The following ZNF470 variants were observed in gnomAD, a reference collection of about 807,000 sequenced individuals.
The protein encoded by ZNF470 is chondrogenesis zinc finger protein 1.
ZNF470 carries 13 observed loss-of-function variants against 13.9 expected under a neutral mutation model. The observed-to-expected ratio is 0.94, with a 90% CI of 0.61 to 1.49. The LOEUF (loss-of-function observed/expected upper bound fraction) is 1.49, where lower values mean the gene tolerates loss of function less well. Ranked by LOEUF, ZNF470 falls within the 40% of genes most tolerant of loss-of-function variation. The pLI is 0.00. For synonymous variants in ZNF470, 293 were observed against 282.9 expected (o/e 1.04, Z -0.36); for missense variants, 929 against 857.3 (o/e 1.08, Z -1.04).
At chr19:56,576,614 G>A (rs2044490026) in intron 5 of ZNF470, 99 bp from the exon 6 acceptor site, 2 of 984,834 alleles carry the variant, frequency 2.0e-6, no homozygotes, top group Non-Finnish European at 2.8e-6. Context: ...ACCTCTGCTT[G>A]TGGGTTTCAA....
Position 56,577,053 on chromosome 19 carries a change from C to T in ZNF470, c.624C>T (p.Ser208=). Reference sequence around the variant, plus strand: ...TTAATTTTCATACAGATAAGAAAAGCTTAAAAACACATTCAGTTGTGAAAA... The same window carrying T: ...TTAATTTTCATACAGATAAGAAAAGTTTAAAAACACATTCAGTTGTGAAAA... ...RIFNFHTDKK[S]LKTHSVVKKH... The change falls in exon 6 of 6, where the codon AGC becomes AGT. Residue 208 remains serine, a synonymous_variant. Coordinates refer to ENST00000330619, the MANE Select transcript of ZNF470 (RefSeq NM_001001668.4). The T allele has an allele frequency of 6.3e-7, 1 of 1,589,302 alleles. No homozygotes were observed. The highest frequency in any genetic ancestry group is 8.5e-7 in the Non-Finnish European group (1 of 1,172,382).
rs1193975810 is a variant in ZNF470 at position 56,577,501 on chromosome 19, C to G, written c.1072C>G (p.His358Asp). 6.2e-7 allele frequency: 1 copy of G among 1,613,592 alleles called. No homozygotes were observed. The highest frequency in any genetic ancestry group is 2.2e-5 in the East Asian group (1 of 44,862). The change falls in exon 6 of 6, where the codon CAT becomes GAT. Residue 358 changes from histidine to aspartate, a missense_variant. Coordinates refer to ENST00000330619, the MANE Select transcript of ZNF470 (RefSeq NM_001001668.4). ...AFSDCSSLAH[H>D]RRIHTGKRPY... ...TAGTGATTGCTCATCCCTAGCTCAT[C>G]ATCGAAGGATTCACACTGGGAAAAG...
chr19:56,572,371 A>AAAATAT (rs2044459428), intron 3 of ZNF470, among the ~76,000 whole-genome samples: 15 of 17,236 alleles, frequency 8.7e-4, no homozygotes, highest in South Asian at 3.1e-3. Flanking sequence ...AAAAAAAAAA[A>AAAATAT]ATATATATAT....
chr19:56,581,699 G>A lies in ZNF470; in HGVS notation c.*3116G>A. 1.0e-6 allele frequency: 1 copy of A among 984,396 alleles called. No individual in the cohort carries two copies. Among genetic ancestry groups the A allele is most frequent in the Non-Finnish European group, 1.2e-6 (1 of 829,076 alleles). 61.0% of individuals were successfully genotyped at this position (984,396 alleles called of 1,614,324 possible). ...AAAAATCAAAATATATATTATAGTA[G>A]GCATTTGTTTTTCTCTGCCCAGTTT... is the stretch of plus-strand genomic sequence containing the variant. On this transcript the variant is annotated 3_prime_UTR_variant, in exon 6 of 6. Transcript: ENST00000330619.
Position 56,581,643 on chromosome 19 carries a change from A to T in ZNF470, c.*3060A>T. On this transcript the variant is annotated 3_prime_UTR_variant, in exon 6 of 6. Coordinates refer to ENST00000330619, the MANE Select transcript of ZNF470 (RefSeq NM_001001668.4). ...ATGAAAAATTGCAGACCTGTATTGT[A>T]GTATAGGCCCATAATTGTGATATCA... The T allele has an allele frequency of 2.1e-6, 2 of 936,678 alleles. No individual in the cohort carries two copies. The highest frequency in any genetic ancestry group is 4.9e-5 in the South Asian group (1 of 20,222). 58.0% of individuals were successfully genotyped at this position (936,678 alleles called of 1,614,324 possible).
rs1470003532 is a variant in ZNF470, at chr19:56,574,451, C to A, written c.118C>A (p.Leu40Met). Residue 40 changes from leucine to methionine, a missense_variant, in exon 4 of 6, where the codon CTG (leucine) becomes ATG (methionine). Physicochemically the swap from Leu to Met is conservative, Grantham distance 15 (BLOSUM62 2). Transcript: ENST00000330619. ...IDFSQDEWEW[L>M]NLAQRSLYKK... is the part of the protein sequence containing the mutation. ...CTTTTCCCAAGATGAATGGGAGTGG[C>A]TGAATCTTGCTCAGAGAAGTTTGTA... 3.1e-6 allele frequency: 5 copies of A among 1,613,910 alleles called. No individual in the cohort carries two copies. The highest frequency in any genetic ancestry group is 3.3e-4 in the Middle Eastern group (2 of 6,060).
chr19:56,577,943 G>A lies in ZNF470; in HGVS notation c.1514G>A (p.Gly505Glu), dbSNP rs2044504237. The A allele has an allele frequency of 1.9e-6, 3 of 1,614,092 alleles. No homozygotes were observed. The highest frequency in any genetic ancestry group is 2.5e-6 in the Non-Finnish European group (3 of 1,179,998). ...HLAHHQRIHT[G>E]EKPYECKECS... The stretch of plus-strand genomic sequence containing the variant: ...GCTCATCATCAGAGAATTCATACTG[G>A]AGAGAAACCTTATGAATGTAAGGAA... Residue 505 changes from glycine to glutamate, a missense_variant, in exon 6 of 6, where the codon GGA becomes GAA. Transcript: ENST00000330619.
At position 56,581,748 on chromosome 19, in the gene ZNF470, C is replaced by T; in HGVS notation, c.*3165C>T. 1.0e-6 allele frequency: 1 copy of T among 985,398 alleles called. No individual in the cohort carries two copies. Among genetic ancestry groups the T allele is most frequent in the Admixed American group, 6.1e-5 (1 of 16,280 alleles). 61.0% of individuals were successfully genotyped at this position (985,398 alleles called of 1,614,324 possible). A position where few individuals can be genotyped will look rare whatever the true frequency, so the allele number is the denominator to read the frequency against. On this transcript the variant is annotated 3_prime_UTR_variant, in exon 6 of 6. Transcript: ENST00000330619. ...TTCCCTTGCCTCCTCCTTTTGGCTG[C>T]ACTATCTCATCTTTTCCTTTTGAGT...
intron 5 of ZNF470, among the ~76,000 whole-genome samples, chr19:56,575,452 AT>A (rs74269125): frequency 0.26 from 35,673 of 137,912 alleles, 4,520 homozygotes; most frequent in Middle Eastern, 0.31. Flanking sequence ...ATTTCATTCA[AT>A]TTTTTTTTTT....
intron 3 of ZNF470, among the ~76,000 whole-genome samples, chr19:56,572,359 AAAAAAAAAAAAAAT>A (rs2044458436): frequency 2.1e-5 from 1 of 46,606 alleles, no homozygotes; most frequent in East Asian, 3.6e-4. Context: ...AAAAAAAAAA[AAAAAAAAAAAAAAT>A]ATATATATAT....
rs963277155 is a variant in ZNF470 at position 56,581,531 on chromosome 19, T to C, written c.*2948T>C. The C allele has an allele frequency of 1.2e-6, 1 of 804,034 alleles. No homozygotes were observed. The highest frequency in any genetic ancestry group is 1.5e-6 in the Non-Finnish European group (1 of 664,878). 49.8% of individuals were successfully genotyped at this position (804,034 alleles called of 1,614,324 possible). A position where few individuals can be genotyped will look rare whatever the true frequency, so the allele number is the denominator to read the frequency against. ...ATCAGGGTAATAAATAAATTAATTA[T>C]GGTATATATCCATTCAATAGGAATT... On this transcript the variant is annotated 3_prime_UTR_variant, in exon 6 of 6. Coordinates refer to ENST00000330619, the MANE Select transcript of ZNF470 (RefSeq NM_001001668.4).
rs1040781141 is a variant in ZNF470, at chr19:56,577,351, G to C, written c.922G>C (p.Gly308Arg). The C allele has an allele frequency of 6.2e-7, 1 of 1,613,584 alleles. No homozygotes were observed. Among genetic ancestry groups the C allele is most frequent in the African/African-American group, 1.3e-5 (1 of 74,902 alleles). ...TGTTCAACACCAGAGAGTTCATACT[G>C]GAGAGAAACCTTATCAGTGTAAGCA... is the stretch of plus-strand genomic sequence containing the variant. ...HLVQHQRVHT[G>R]EKPYQCKQCN... The change falls in exon 6 of 6, where the codon GGA becomes CGA. Residue 308 changes from glycine to arginine, a missense_variant. Coordinates refer to ENST00000330619, the MANE Select transcript of ZNF470 (RefSeq NM_001001668.4).
intron 4 of ZNF470, 46 bp downstream of exon 4, chr19:56,574,566 T>C: frequency 1.2e-6 from 2 of 1,611,964 alleles, no homozygotes; most frequent in Non-Finnish European, 1.7e-6. Context: ...TCAGTAGTCT[T>C]TTATGCCATT....
In ZNF470 at chr19:56,578,360, C is replaced by T. The variant is rs774212845; in HGVS notation, c.1931C>T (p.Thr644Ile). Reference protein sequence around the residue: ...KSLTLHQRIHTGEKPYECKEC... With the variant: ...KSLTLHQRIHIGEKPYECKEC... ...CTTACTCTGCATCAGAGAATTCATACAGGAGAGAAACCTTATGAGTGTAAG... is the reference window on the plus strand; with the variant it reads ...CTTACTCTGCATCAGAGAATTCATATAGGAGAGAAACCTTATGAGTGTAAG... The change falls in exon 6 of 6, where the codon ACA (threonine) becomes ATA (isoleucine). Residue 644 changes from threonine to isoleucine, a missense_variant. Coordinates refer to ENST00000330619, the MANE Select transcript of ZNF470 (RefSeq NM_001001668.4). The T allele has an allele frequency of 1.9e-6, 3 of 1,612,008 alleles. No individual in the cohort carries two copies. Among genetic ancestry groups the T allele is most frequent in the South Asian group, 1.1e-5 (1 of 90,818 alleles).
In ZNF470 at chr19:56,567,833, C is replaced by T. The variant is rs11667718; in HGVS notation, c.-364C>T. 357,367 of 985,916 alleles carry T rather than the reference C, an allele frequency of 0.36. 66,399 individuals carry two copies. Among genetic ancestry groups the T allele is most frequent in the East Asian group, 0.41 (3,644 of 8,786 alleles). 61.1% of individuals were successfully genotyped at this position (985,916 alleles called of 1,614,324 possible). A position where few individuals can be genotyped will look rare whatever the true frequency, so the allele number is the denominator to read the frequency against. ...AGTGGCCAAGAGCAGGAAACCCGGC[C>T]GGAGGAGGCTTACCCCGTTCTCCCC... is the stretch of plus-strand genomic sequence containing the variant. On this transcript the variant is annotated 5_prime_UTR_variant, in exon 1 of 6. Coordinates refer to ENST00000330619, the MANE Select transcript of ZNF470 (RefSeq NM_001001668.4).
Position 56,581,144 on chromosome 19 carries a change from G to T in ZNF470, c.*2561G>T. On this transcript the variant is annotated 3_prime_UTR_variant, in exon 6 of 6. Coordinates refer to ENST00000330619, the MANE Select transcript of ZNF470 (RefSeq NM_001001668.4). ...CAGATATAATAAAGGACTGTAATTC[G>T]TGATATTCAAAGTACTATTACAAAC... 1 of 876,492 alleles carries T rather than the reference G, an allele frequency of 1.1e-6. No homozygotes were observed. 54.3% of individuals were successfully genotyped at this position (876,492 alleles called of 1,614,324 possible).
At chr19:56,570,010 A>C (rs1384307657) in intron 2 of ZNF470, among the ~76,000 whole-genome samples, 1 of 151,508 alleles carries the variant, frequency 6.6e-6, no homozygotes, top group Non-Finnish European at 1.5e-5. Context: ...ATGTACACAC[A>C]CACAGGCTAG....
Position 56,579,609 on chromosome 19 carries a change from C to T in ZNF470, c.*1026C>T, listed in dbSNP as rs1358925829. ...CAATTCGTGTGGTATTTAAATTGTT[C>T]TAGCATAAAATAAAATGCAATAAGA... On this transcript the variant is annotated 3_prime_UTR_variant, in exon 6 of 6. Transcript: ENST00000330619. 1.0e-6 allele frequency: 1 copy of T among 985,246 alleles called. No homozygotes were observed. Among genetic ancestry groups the T allele is most frequent in the East Asian group, 1.1e-4 (1 of 8,824 alleles). 61.0% of individuals were successfully genotyped at this position (985,246 alleles called of 1,614,324 possible). A position where few individuals can be genotyped will look rare whatever the true frequency, so the allele number is the denominator to read the frequency against.
At position 56,576,916 on chromosome 19, in the gene ZNF470, CAT is replaced by C; in HGVS notation, c.491_492del (p.Ile164ArgfsTer5). The C allele has an allele frequency of 1.9e-6, 3 of 1,578,792 alleles. No homozygotes were observed. The highest frequency in any genetic ancestry group is 2.6e-6 in the Non-Finnish European group (3 of 1,168,342). On this transcript the variant is annotated frameshift_variant, in exon 6 of 6. Coordinates refer to ENST00000330619, the MANE Select transcript of ZNF470 (RefSeq NM_001001668.4). LOFTEE classifies it low-confidence loss of function (END_TRUNC). Reference protein sequence around the residue: ...KTHFRQETITHIDTLIEKRDH... With the variant: ...KTHFRQETITXIDTLIEKRDH... ...ACATTTTAGGCAAGAGACCATCACT[CAT>C]ATAGATACTCTTATTGAAAAAAGAG...
Sources: gnomAD v4.1 joint callset for allele counts (sites outside exome capture counted in the v4.1 genomes callset) on GRCh38, gnomAD v4.1.1 for gene constraint, MANE v1.5 for transcripts, NCBI Gene and HGNC (gene_info 2026-07-23, HGNC 2026-07-21) for gene names.